The following SLC9A3 variants were observed in gnomAD, a reference collection of about 807,000 sequenced individuals.
The protein encoded by SLC9A3 is sodium/hydrogen exchanger 3.
Under a neutral mutation model 86.8 loss-of-function variants are expected in SLC9A3, and 37 were observed. That is an observed-to-expected ratio of 0.43 (90% confidence interval 0.33 to 0.56). The LOEUF is 0.56. Ranked by LOEUF, SLC9A3 falls within the 20% of genes least tolerant of loss-of-function variation. SLC9A3 has a pLI of 0.06. For missense variants in SLC9A3, 1,011 were observed against 1,171.9 expected, an observed-to-expected ratio of 0.86 and a Z score of 2.00; for synonymous variants, 581 against 528.3, an observed-to-expected ratio of 1.10 and a Z score of -1.37.
Position 482,608 on chromosome 5 carries a change from C to T in SLC9A3, c.1296G>A (p.Lys432=). ...LVVLLDGDKV[K]EKNLFVSTTI... ...TGGTGCTGACGAACAGGTTCTTCTC[C>T]TTGACCTTGTCTCCATCCAGAAGCA... The change falls in exon 7 of 17, where the codon AAG becomes AAA. Residue 432 remains lysine, a synonymous_variant. Transcript: ENST00000264938. 2 of 1,612,890 alleles carry T rather than the reference C, an allele frequency of 1.2e-6. No homozygotes were observed. The highest frequency in any genetic ancestry group is 1.3e-5 in the African/African-American group (1 of 75,018).
Position 473,253 on chromosome 5 carries a change from G to C in SLC9A3, c.*126C>G, listed in dbSNP as rs34674918. On this transcript the variant is annotated 3_prime_UTR_variant, in exon 17 of 17. Coordinates refer to ENST00000264938, the MANE Select transcript of SLC9A3 (RefSeq NM_004174.4). ...CGCAGGCGCTGGCGTGGGCGAGGCG[G>C]GGCTCGGGGCTCGCGGTCGCTGTAG... 2.8e-6 allele frequency: 3 copies of C among 1,070,020 alleles called. No homozygotes were observed. Among genetic ancestry groups the C allele is most frequent in the South Asian group, 3.3e-5 (1 of 30,210 alleles). The allele number at this position is 1,070,020 out of a possible 1,614,324, so 66.3% of individuals were successfully genotyped here.
At chr5:510,894 G>A (rs1740845221) in intron 1 of SLC9A3, among the ~76,000 whole-genome samples, 1 of 152,234 alleles carries the variant, frequency 6.6e-6, no homozygotes, top group African/African-American at 2.4e-5. Context: ...GGCTCCCACT[G>A]TCTCATAGCT....
chr5:508,732 GA>G (rs1366173144), intron 1 of SLC9A3, among the ~76,000 whole-genome samples: 13 of 152,194 alleles, frequency 8.5e-5, no homozygotes, highest in Non-Finnish European at 1.5e-5. Context: ...AAAGGACAAG[GA>G]CATTAGAGAG....
intron 1 of SLC9A3, among the ~76,000 whole-genome samples, chr5:504,574 C>A (rs970362861): frequency 6.6e-6 from 1 of 152,204 alleles, no homozygotes; most frequent in Admixed American, 6.5e-5. Flanking sequence ...CCCGGGCTCA[C>A]GGCCCCGCTG....
At chr5:516,316 A>G (rs1236346185) in intron 1 of SLC9A3, among the ~76,000 whole-genome samples, 1 of 152,012 alleles carries the variant, frequency 6.6e-6, no homozygotes, top group Non-Finnish European at 1.5e-5. Flanking sequence ...AATGAATATT[A>G]AACTGGAGAG....
intron 7 of SLC9A3, 86 bp from the exon 8 acceptor site, chr5:482,243 G>T (rs1281590053): frequency 1.9e-6 from 2 of 1,041,014 alleles, no homozygotes; most frequent in African/African-American, 1.6e-5. Context: ...AGAGCCACCT[G>T]CCCCGGGGCC....
chr5:488,201 G>T, intron 3 of SLC9A3, 115 bp downstream of exon 3: 1 of 1,174,658 alleles, frequency 8.5e-7, no homozygotes, highest in Non-Finnish European at 1.2e-6. Flanking sequence ...CCCCCGGGAG[G>T]GGAGTTTGAG....
At position 491,803 on chromosome 5, in the gene SLC9A3, C is replaced by T; in HGVS notation, c.480G>A (p.Leu160=). ...GTVWNAATTG[L]SLYGVFLSGL... ...CACTGAGGAAGACGCCGTAGAGGGA[C>T]AGCCCGGTGGTGGCCGCGTTCCACA... The change falls in exon 2 of 17, where the codon CTG becomes CTA. Residue 160 remains leucine (L), a synonymous_variant. Coordinates refer to ENST00000264938, the MANE Select transcript of SLC9A3 (RefSeq NM_004174.4). This position sits in a 1 kb window ranked among gnomAD's most constrained non-coding sequence, Gnocchi z 9.2. 2 of 1,580,096 alleles carry T rather than the reference C, an allele frequency of 1.3e-6. No individual in the cohort carries two copies. The highest frequency in any genetic ancestry group is 2.3e-5 in the South Asian group (2 of 86,904).
At chr5:485,476 C>T (rs1472787074) in intron 3 of SLC9A3, among the ~76,000 whole-genome samples, 2 of 152,250 alleles carry the variant, frequency 1.3e-5, no homozygotes, top group Non-Finnish European at 2.9e-5. Context: ...CTGGCCTCTT[C>T]CTATCCTCTG....
At position 473,145 on chromosome 5, in the gene SLC9A3, G is replaced by GGCCCCGCCCCCGGCGCAC; in HGVS notation, c.*233_*234insGTGCGCCGGGGGCGGGGC. 1 of 242,566 alleles carries GGCCCCGCCCCCGGCGCAC rather than the reference G, an allele frequency of 4.1e-6. No homozygotes were observed. Among genetic ancestry groups the GGCCCCGCCCCCGGCGCAC allele is most frequent in the Non-Finnish European group, 6.3e-6 (1 of 159,816 alleles). 15.0% of individuals were successfully genotyped at this position (242,566 alleles called of 1,614,324 possible). A position where few individuals can be genotyped will look rare whatever the true frequency, so the allele number is the denominator to read the frequency against. On this transcript the variant is annotated 3_prime_UTR_variant, in exon 17 of 17. Transcript: ENST00000264938. ...CGCACTCGGCAGCCCTCGGCGCTCC[G>GGCCCCGCCCCCGGCGCAC]GCCCCGCCCCCGGCGCAGGCCCCGC...
At position 472,265 on chromosome 5, in the gene SLC9A3, A is replaced by AGGGTCAG; in HGVS notation, c.*1107_*1113dup. On this transcript the variant is annotated 3_prime_UTR_variant, in exon 17 of 17. Transcript: ENST00000264938. Reference sequence around the variant, plus strand: ...CCCTGGGACGCTGGAAGGGGTGGGAAGGGTCAGGGGTCCGGGGTCTAGGAC... The same window carrying AGGGTCAG: ...CCCTGGGACGCTGGAAGGGGTGGGAAGGGTCAGGGGTCAGGGGTCCGGGGTCTAGGAC... The AGGGTCAG allele has an allele frequency of 2.8e-6, 1 of 352,192 alleles. No individual in the cohort carries two copies. Among genetic ancestry groups the AGGGTCAG allele is most frequent in the Non-Finnish European group, 5.6e-6 (1 of 178,908 alleles). The allele number at this position is 352,192 out of a possible 1,614,324, so 21.8% of individuals were successfully genotyped here.
chr5:493,898 G>A (rs994553044), intron 1 of SLC9A3, among the ~76,000 whole-genome samples: 5 of 152,216 alleles, frequency 3.3e-5, no homozygotes, highest in Admixed American at 6.5e-5. Context: ...GGGTTGGCCC[G>A]GGGAGGCTGG....
At chr5:473,633 C>T (rs910991041) in intron 16 of SLC9A3, among the ~76,000 whole-genome samples, 1 of 152,166 alleles carries the variant, frequency 6.6e-6, no homozygotes, top group Admixed American at 6.5e-5. Flanking sequence ...ACAGCGGCCT[C>T]CTCGGCGCAG....
At chr5:482,526 G>A in intron 7 of SLC9A3, 22 bp downstream of exon 7, 1 of 1,594,076 alleles carries the variant, frequency 6.3e-7, no homozygotes, top group Non-Finnish European at 8.6e-7. Flanking sequence ...GAGACCCCAG[G>A]GCTGGCTGGG....
chr5:481,801 C>T (rs1352515130), intron 8 of SLC9A3, among the ~76,000 whole-genome samples, 166 bp from the exon 9 acceptor site: 3 of 139,652 alleles, frequency 2.1e-5, no homozygotes, highest in Non-Finnish European at 3.1e-5. Flanking sequence ...AAGGAACACA[C>T]GGTGCCCTCC....
chr5:474,882 CAT>C lies in SLC9A3; in HGVS notation c.2500_2501del (p.Met834ValfsTer9), dbSNP rs762788074. The stretch of plus-strand genomic sequence containing the variant: ...GGCGGCGGGAGGCCCGGGAGCGTTA[CAT>C]GTGTGTGGACTCGGGGAGGGCGGCG... ...PPAALPESTHM is the reference protein window; with the variant it reads ...PPAALPESTHX On this transcript the variant is annotated frameshift_variant and splice_region_variant, in exon 16 of 17. Coordinates refer to ENST00000264938, the MANE Select transcript of SLC9A3 (RefSeq NM_004174.4). LOFTEE classifies it high-confidence loss of function. 1 of 1,593,258 alleles carries C rather than the reference CAT, an allele frequency of 6.3e-7. No individual in the cohort carries two copies. Among genetic ancestry groups the C allele is most frequent in the Non-Finnish European group, 8.5e-7 (1 of 1,171,222 alleles).
At chr5:484,743 T>G in intron 4 of SLC9A3, 46 bp from the exon 5 acceptor site, 14 of 1,581,456 alleles carry the variant, frequency 8.9e-6, no homozygotes, top group Non-Finnish European at 1.2e-5. Context: ...TTCCGGGCCC[T>G]TCCTTGCCAG....
rs968168149 is a variant in SLC9A3 at position 497,909 on chromosome 5, C to G, written c.212-5838G>C. ...CCTGTCCCGGGTGGGGTCGCCCGGC[C>G]GCATCCCCAGCCTCTGCCCTCCGAC... is the stretch of plus-strand genomic sequence containing the variant. On this transcript the variant is annotated intron_variant, in intron 1 of 16. Coordinates refer to ENST00000264938, the MANE Select transcript of SLC9A3 (RefSeq NM_004174.4). This position sits in a 1 kb window ranked among gnomAD's most constrained non-coding sequence, Gnocchi z 5.4. Among the ~76,000 whole-genome samples the G allele has an allele frequency of 2.7e-5, 4 of 150,794 alleles. No homozygotes were observed. The highest frequency in any genetic ancestry group is 1.3e-4 in the Admixed American group (2 of 15,090).
At chr5:515,618 T>C (rs10078774) in intron 1 of SLC9A3, among the ~76,000 whole-genome samples, 19,105 of 151,640 alleles carry the variant, frequency 0.13, 1,300 homozygotes, top group Admixed American at 0.16. Context: ...CTCCTGCTTA[T>C]CCTCCACAGG....
Sources: allele counts gnomAD v4.1 joint callset (sites outside exome capture counted in the v4.1 genomes callset), GRCh38; gene constraint gnomAD v4.1.1; non-coding constraint Gnocchi (gnomAD v3.1); transcripts MANE v1.5; gene names NCBI Gene and HGNC (gene_info 2026-07-23, HGNC 2026-07-21).